MSI1: variants seen among roughly 807,000 people sequenced by gnomAD.
The protein encoded by MSI1 is musashi RNA binding protein 1, also known as RNA-binding protein Musashi homolog 1.
Under a neutral mutation model 54.4 loss-of-function variants are expected in MSI1, and 15 were observed. The ratio of observed to expected loss-of-function variants is 0.28; its 90% CI spans 0.18 to 0.42. The LOEUF (loss-of-function observed/expected upper bound fraction) is 0.42. Among genes scored for constraint, MSI1 ranks in the 20% least tolerant of loss-of-function variants. The pLI is 1.00. For synonymous variants in MSI1, 200 were observed against 196.5 expected (o/e 1.02, Z -0.15); for missense variants, 304 against 506.0 (o/e 0.60, Z 3.83).
At chr12:120,352,545 ATAAGCATC>A (rs1189399748) in intron 10 of MSI1, among the ~76,000 whole-genome samples, 1 of 102,694 alleles carries the variant, frequency 9.7e-6, no homozygotes, top group Non-Finnish European at 2.4e-5. Flanking sequence ...TAAAATGAGG[ATAAGCATC>A]CTTCCCCCAT....
At position 120,354,037 on chromosome 12, in the gene MSI1, C is replaced by T. The variant is rs574458422; in HGVS notation, c.653-658G>A. 2.6e-5 allele frequency among the ~76,000 whole-genome samples: 4 copies of T among 152,002 alleles called. No individual in the cohort carries two copies. The South Asian group carries it at 8.3e-4, about 32-fold the overall frequency. ...TTGCTCTTTTGCCCAGGCTGGAGTG[C>T]ACAGTGGTACAATTGTAGGTCACTG... is the stretch of plus-strand genomic sequence containing the variant. On this transcript the variant is annotated intron_variant, in intron 9 of 14. Coordinates refer to ENST00000257552, the MANE Select transcript of MSI1 (RefSeq NM_002442.4).
intron 6 of MSI1, among the ~76,000 whole-genome samples, chr12:120,359,428 A>C (rs1414120713): frequency 3.3e-5 from 5 of 152,156 alleles, no homozygotes; most frequent in African/African-American, 1.2e-4. Context: ...TATGGGAGGG[A>C]GGAAAATGAC....
At chr12:120,355,179 GC>G (rs1273596297) in intron 9 of MSI1, among the ~76,000 whole-genome samples, 1 of 151,986 alleles carries the variant, frequency 6.6e-6, no homozygotes, top group African/African-American at 2.4e-5. Flanking sequence ...GCTGAGGCGG[GC>G]AGATCACGAG....
At chr12:120,350,716 G>C (rs1874525504) in intron 11 of MSI1, among the ~76,000 whole-genome samples, 1 of 152,178 alleles carries the variant, frequency 6.6e-6, no homozygotes, top group African/African-American at 2.4e-5. Flanking sequence ...GAAGGTGCCA[G>C]CCAGGAAACC....
intron 6 of MSI1, among the ~76,000 whole-genome samples, chr12:120,361,081 C>T (rs1484990036): frequency 6.6e-6 from 1 of 151,454 alleles, no homozygotes; most frequent in African/African-American, 2.4e-5. Context: ...CATAGTTACA[C>T]GGGGGGAACG....
chr12:120,368,915 G>C lies in MSI1; in HGVS notation c.60-42C>G, dbSNP rs771495175. 9.0e-5 allele frequency: 122 copies of C among 1,350,280 alleles called. 2 individuals are homozygous for C. The highest frequency in any genetic ancestry group is 6.6e-4 in the South Asian group (41 of 61,766). 83.6% of individuals were successfully genotyped at this position (1,350,280 alleles called of 1,614,324 possible). A position where few individuals can be genotyped will look rare whatever the true frequency, so the allele number is the denominator to read the frequency against. On this transcript the variant is annotated intron_variant, in intron 1 of 14. Transcript: ENST00000257552. This position sits in a 1 kb window ranked among gnomAD's most constrained non-coding sequence, Gnocchi z 6.6. Reference sequence around the variant, plus strand: ...GACACAAAGGGCCCGCGTGAGCGCCGGGCGCCAGGGCGCAGGGGGCGCGGG... The same window carrying C: ...GACACAAAGGGCCCGCGTGAGCGCCCGGCGCCAGGGCGCAGGGGGCGCGGG...
intron 14 of MSI1, among the ~76,000 whole-genome samples, chr12:120,344,190 A>G (rs553605189): frequency 6.6e-6 from 1 of 152,258 alleles, no homozygotes; most frequent in Non-Finnish European, 1.5e-5. Flanking sequence ...GTACTATACC[A>G]CTGTACACAC....
intron 7 of MSI1, 53 bp from the exon 8 acceptor site, chr12:120,357,951 A>G: frequency 6.6e-7 from 1 of 1,508,812 alleles, no homozygotes; most frequent in Non-Finnish European, 9.2e-7. Context: ...CGCAGGGTCA[A>G]AACTCAACCC....
chr12:120,362,166 C>CA (rs1467702597), intron 6 of MSI1, among the ~76,000 whole-genome samples: 1 of 151,996 alleles, frequency 6.6e-6, no homozygotes, highest in East Asian at 1.9e-4. Flanking sequence ...CCTCCCCCCC[C>CA]CACACAATCC....
At chr12:120,363,419 G>C (rs1875815020) in intron 5 of MSI1, among the ~76,000 whole-genome samples, 2 of 152,240 alleles carry the variant, frequency 1.3e-5, no homozygotes, top group South Asian at 4.1e-4. Context: ...ACACAGGGAA[G>C]GGGGCGGGCC....
intron 11 of MSI1, 96 bp from the exon 12 acceptor site, chr12:120,347,610 CCCTA>C: frequency 6.7e-7 from 1 of 1,484,442 alleles, no homozygotes; most frequent in East Asian, 2.3e-5. Flanking sequence ...TCCAGCCTGG[CCCTA>C]CCTCAGAGGG....
chr12:120,368,730 C>T lies in MSI1; in HGVS notation c.100+103G>A. 4 of 1,100,724 alleles carry T rather than the reference C, an allele frequency of 3.6e-6. No individual in the cohort carries two copies. Among genetic ancestry groups the T allele is most frequent in the Admixed American group, 4.6e-5 (1 of 21,880 alleles). The allele number at this position is 1,100,724 out of a possible 1,614,324, so 68.2% of individuals were successfully genotyped here. A position where few individuals can be genotyped will look rare whatever the true frequency, so the allele number is the denominator to read the frequency against. The stretch of plus-strand genomic sequence containing the variant: ...GCGCGAAAGAGGGCGCGAGGGCGCC[C>T]GGGGTCAGCAGGGCGCAGGGCCGGG... On this transcript the variant is annotated intron_variant, in intron 2 of 14. Transcript: ENST00000257552. The surrounding 1 kb of genome is among the most constrained non-coding windows in gnomAD (Gnocchi z 6.6).
Position 120,353,340 on chromosome 12 carries a change from C to G in MSI1, c.692G>C (p.Ser231Thr), listed in dbSNP as rs192219825. The change falls in exon 10 of 15, where the codon AGT becomes ACT. Residue 231 changes from serine (S) to threonine (T), a missense_variant. This residue lies in a region of MSI1 where 147 missense variants were observed against 231.5 expected (regional missense o/e 0.64). Coordinates refer to ENST00000257552, the MANE Select transcript of MSI1 (RefSeq NM_002442.4). The part of the protein sequence containing the change: ...GFQATTYASR[S>T]YTGLAPGYTY... Reference sequence around the variant, plus strand: ...GTAGCCAGGGGCGAGGCCTGTATAACTCCGGCTGGCGTAGGTTGTGGCTTG... The same window carrying G: ...GTAGCCAGGGGCGAGGCCTGTATAAGTCCGGCTGGCGTAGGTTGTGGCTTG... 3.2e-5 allele frequency: 52 copies of G among 1,614,008 alleles called. No individual in the cohort carries two copies. The highest frequency in any genetic ancestry group is 8.8e-5 in the South Asian group (8 of 91,086).
At chr12:120,348,450 TC>T (rs2136911359) in intron 11 of MSI1, among the ~76,000 whole-genome samples, 1 of 152,268 alleles carries the variant, frequency 6.6e-6, no homozygotes, top group Non-Finnish European at 1.5e-5. Context: ...TAAGAAGCTT[TC>T]CCTGAATACC....
rs1876227256 is a variant in MSI1, at chr12:120,369,119, G to C, written c.-28C>G. On this transcript the variant is annotated 5_prime_UTR_variant, in exon 1 of 15. Coordinates refer to ENST00000257552, the MANE Select transcript of MSI1 (RefSeq NM_002442.4). ...GGAGCCGCGGGCGGCGCGGGCAGCGGAGCGGCGGCGGCGGCGGCGGCGGCG... is the reference window on the plus strand; with the variant it reads ...GGAGCCGCGGGCGGCGCGGGCAGCGCAGCGGCGGCGGCGGCGGCGGCGGCG... 9.9e-7 allele frequency: 1 copy of C among 1,005,780 alleles called. No homozygotes were observed. Among genetic ancestry groups the C allele is most frequent in the Non-Finnish European group, 1.2e-6 (1 of 848,122 alleles). 62.3% of individuals were successfully genotyped at this position (1,005,780 alleles called of 1,614,324 possible). A position where few individuals can be genotyped will look rare whatever the true frequency, so the allele number is the denominator to read the frequency against.
chr12:120,351,669 G>C (rs1874608899), intron 10 of MSI1, among the ~76,000 whole-genome samples: 2 of 151,048 alleles, frequency 1.3e-5, no homozygotes, highest in African/African-American at 2.4e-5. Flanking sequence ...GTGTTGGCTT[G>C]TTTCCTTCTT....
chr12:120,357,322 C>T (rs1875220240), intron 8 of MSI1, among the ~76,000 whole-genome samples: 1 of 152,090 alleles, frequency 6.6e-6, no homozygotes, highest in African/African-American at 2.4e-5. Flanking sequence ...GATTAACTAC[C>T]GTGTGACACT....
At chr12:120,356,751 C>T in intron 9 of MSI1, 151 bp downstream of exon 9, 1 of 722,340 alleles carries the variant, frequency 1.4e-6, no homozygotes, top group Non-Finnish European at 2.3e-6. Flanking sequence ...GTAGGACTGC[C>T]AGACCCGACA....
chr12:120,347,391 C>T, intron 12 of MSI1, 55 bp downstream of exon 12: 2 of 1,607,400 alleles, frequency 1.2e-6, no homozygotes, highest in South Asian at 1.1e-5. Context: ...CTCCCCTGGA[C>T]TTCTCTGCTC....
Sources: gnomAD v4.1 joint callset for allele counts (sites outside exome capture counted in the v4.1 genomes callset) on GRCh38, gnomAD v4.1.1 for gene constraint, gnomAD v4.1.1 regional missense constraint, Gnocchi (gnomAD v3.1) non-coding constraint, MANE v1.5 for transcripts, NCBI Gene and HGNC (gene_info 2026-07-23, HGNC 2026-07-21) for gene names.